Variants in RNF152 observed in about 807,000 individuals in gnomAD.
RNF152 encodes E3 ubiquitin-protein ligase RNF152.
Under a neutral mutation model 12.7 loss-of-function variants are expected in RNF152, and 11 were observed. The observed-to-expected ratio is 0.86, with a 90% CI of 0.54 to 1.43. The LOEUF is 1.43. Ranked by LOEUF, RNF152 falls within the 40% of genes most tolerant of loss-of-function variation. The pLI is 0.00. For missense variants in RNF152, 255 were observed against 274.8 expected (o/e 0.93, Z 0.51); for synonymous variants, 113 against 120.3 (o/e 0.94, Z 0.40).
At chr18:61,861,030 A>C (rs1911453361) in intron 1 of RNF152, among the ~76,000 whole-genome samples, 1 of 152,264 alleles carries the variant, frequency 6.6e-6, no homozygotes, top group Non-Finnish European at 1.5e-5. Flanking sequence ...TTATTAAAAA[A>C]GAGTCAAAAA....
chr18:61,841,029 C>T (rs937669154), intron 1 of RNF152, among the ~76,000 whole-genome samples: 1 of 152,228 alleles, frequency 6.6e-6, no homozygotes, highest in East Asian at 1.9e-4. Flanking sequence ...CCACCTACTG[C>T]AGGAGGCTGG....
In RNF152 at chr18:61,815,729, AC is replaced by A. The variant is rs941795923; in HGVS notation, c.*122del. ...TCTGTCTTGGGGTAATCAAGAGGCA[AC>A]CCAGAGGCCAGCGCTCAGCACCAAA... On this transcript the variant is annotated 3_prime_UTR_variant, in exon 2 of 2. Coordinates refer to ENST00000312828, the MANE Select transcript of RNF152 (RefSeq NM_173557.3). 1 of 1,114,168 alleles carries A rather than the reference AC, an allele frequency of 9.0e-7. No homozygotes were observed. The highest frequency in any genetic ancestry group is 1.6e-5 in the African/African-American group (1 of 64,054). 69.0% of individuals were successfully genotyped at this position (1,114,168 alleles called of 1,614,324 possible).
At chr18:61,828,752 A>G (rs1454601450) in intron 1 of RNF152, among the ~76,000 whole-genome samples, 4 of 152,216 alleles carry the variant, frequency 2.6e-5, no homozygotes, top group Non-Finnish European at 5.9e-5. Context: ...CTATTAATGT[A>G]GGCACATTCA....
At position 61,808,616 on chromosome 18, in the gene RNF152, A is replaced by G. The variant is rs939967097; in HGVS notation, c.*7236T>C. The G allele has an allele frequency of 6.6e-6, 1 of 152,142 alleles. No individual in the cohort carries two copies. Among genetic ancestry groups the G allele is most frequent in the African/African-American group, 2.4e-5 (1 of 41,420 alleles). 9.4% of individuals were successfully genotyped at this position (152,142 alleles called of 1,614,324 possible). The stretch of plus-strand genomic sequence containing the variant: ...ATGTAGGGAGTTTGTAACAGCCCCA[A>G]GCTGAAACCAGCTTCTACACCCATG... On this transcript the variant is annotated 3_prime_UTR_variant, in exon 2 of 2. Coordinates refer to ENST00000312828, the MANE Select transcript of RNF152 (RefSeq NM_173557.3).
chr18:61,868,174 T>C (rs377737178), intron 1 of RNF152, among the ~76,000 whole-genome samples: 9 of 152,292 alleles, frequency 5.9e-5, no homozygotes, highest in East Asian at 5.8e-4. Flanking sequence ...ACTGTAGAGG[T>C]TGGCCTTCGG....
chr18:61,839,087 C>A (rs1351221758), intron 1 of RNF152, among the ~76,000 whole-genome samples: 2 of 152,016 alleles, frequency 1.3e-5, no homozygotes, highest in Non-Finnish European at 1.5e-5. Context: ...AATAACTTTC[C>A]CTCCTTGAAT....
rs549675998 is a variant in RNF152 at position 61,818,898 on chromosome 18, C to A, written c.-135-2300G>T. Among the ~76,000 whole-genome samples the A allele has an allele frequency of 2.0e-5, 3 of 152,148 alleles. No individual in the cohort carries two copies. In the East Asian group the frequency reaches 5.8e-4, roughly 29 times the overall value. ...GAAAGTCCTGGCCTAGAGATGGGAGCGCTAAGTACTTAGACAATTGTAACG... is the reference window on the plus strand; with the variant it reads ...GAAAGTCCTGGCCTAGAGATGGGAGAGCTAAGTACTTAGACAATTGTAACG... On this transcript the variant is annotated intron_variant, in intron 1 of 1. Coordinates refer to ENST00000312828, the MANE Select transcript of RNF152 (RefSeq NM_173557.3).
chr18:61,876,775 G>A (rs1425150034), intron 1 of RNF152, among the ~76,000 whole-genome samples: 7 of 152,230 alleles, frequency 4.6e-5, no homozygotes, highest in African/African-American at 1.7e-4. Context: ...GTGAGGAGTA[G>A]GCACGCACTG....
chr18:61,894,371 G>C (rs1024906051), upstream of RNF152: 2 of 151,558 alleles, frequency 1.3e-5, no homozygotes, highest in Non-Finnish European at 2.9e-5. The surrounding 1 kb of genome is among the most constrained non-coding windows in gnomAD (Gnocchi z 4.9). Context: ...ACCCCCACCT[G>C]CCCGGCCGCC....
At chr18:61,871,506 A>G (rs768580299) in intron 1 of RNF152, among the ~76,000 whole-genome samples, 12 of 152,222 alleles carry the variant, frequency 7.9e-5, no homozygotes, top group Non-Finnish European at 1.6e-4. Context: ...TAATTTACTT[A>G]GGATCACAGG....
At chr18:61,825,015 G>A (rs1412788787) in intron 1 of RNF152, among the ~76,000 whole-genome samples, 1 of 152,174 alleles carries the variant, frequency 6.6e-6, no homozygotes, top group Non-Finnish European at 1.5e-5. Flanking sequence ...TCTGAATAGA[G>A]TTGAAATAAC....
intron 1 of RNF152, among the ~76,000 whole-genome samples, chr18:61,844,198 G>A (rs1185860261): frequency 1.4e-5 from 2 of 143,464 alleles, no homozygotes; most frequent in African/African-American, 2.8e-5. Context: ...AGGAAGGGAA[G>A]GAGGGAGGGA....
chr18:61,816,719 T>C (rs943804293), intron 1 of RNF152, 121 bp from the exon 2 acceptor site: 7 of 400,942 alleles, frequency 1.7e-5, no homozygotes, highest in South Asian at 5.7e-5. Context: ...GCCTAAAAAT[T>C]TACCAGTCTT....
At chr18:61,832,624 T>G in intron 1 of RNF152, among the ~76,000 whole-genome samples, 1 of 152,246 alleles carries the variant, frequency 6.6e-6, no homozygotes, top group Middle Eastern at 3.4e-3. Context: ...CTAACATCAA[T>G]AAGTTAATAT....
At chr18:61,846,357 G>T (rs920444871) in intron 1 of RNF152, among the ~76,000 whole-genome samples, 4 of 152,028 alleles carry the variant, frequency 2.6e-5, no homozygotes, top group African/African-American at 9.6e-5. Context: ...CAAATAATAG[G>T]CCCCCTTCTC....
intron 1 of RNF152, among the ~76,000 whole-genome samples, chr18:61,864,176 C>T (rs1911627151): frequency 6.6e-6 from 1 of 152,146 alleles, no homozygotes; most frequent in African/African-American, 2.4e-5. Flanking sequence ...GAGTCACAGA[C>T]CCCACAGGTC....
At chr18:61,836,216 C>T (rs1304463495) in intron 1 of RNF152, among the ~76,000 whole-genome samples, 1 of 152,054 alleles carries the variant, frequency 6.6e-6, no homozygotes, top group Admixed American at 6.5e-5. Context: ...CCTGGAATGT[C>T]CTTTTGTGCC....
At position 61,813,459 on chromosome 18, in the gene RNF152, A is replaced by G. The variant is rs1312897411; in HGVS notation, c.*2393T>C. ...GTTGTTGTTGTTAAATTTAAGGTCA[A>G]GAATCTACCATACAGCCGATTAATT... On this transcript the variant is annotated 3_prime_UTR_variant, in exon 2 of 2. Transcript: ENST00000312828. The G allele has an allele frequency of 2.0e-5, 3 of 152,204 alleles. No homozygotes were observed. The highest frequency in any genetic ancestry group is 6.5e-5 in the Admixed American group (1 of 15,272). 9.4% of individuals were successfully genotyped at this position (152,204 alleles called of 1,614,324 possible). A position where few individuals can be genotyped will look rare whatever the true frequency, so the allele number is the denominator to read the frequency against.
At chr18:61,868,241 C>T (rs896514929) in intron 1 of RNF152, among the ~76,000 whole-genome samples, 2 of 152,190 alleles carry the variant, frequency 1.3e-5, no homozygotes, top group African/African-American at 2.4e-5. Context: ...TGTTTAAAAG[C>T]ATGTTAAAAA....
Sources: allele counts gnomAD v4.1 joint callset (sites outside exome capture counted in the v4.1 genomes callset), GRCh38; gene constraint gnomAD v4.1.1; non-coding constraint Gnocchi (gnomAD v3.1); transcripts MANE v1.5; gene names NCBI Gene and HGNC (gene_info 2026-07-23, HGNC 2026-07-21).